The following WAC variants were observed in gnomAD, a reference collection of about 807,000 sequenced individuals.
WAC encodes WW domain-containing adapter protein with coiled-coil.
WAC carries 11 observed loss-of-function variants against 79.6 expected under a neutral mutation model. That is an observed-to-expected ratio of 0.14 (90% CI 0.09 to 0.23). The LOEUF (loss-of-function observed/expected upper bound fraction) is 0.23, where lower values mean the gene tolerates loss of function less well. Ranked by LOEUF, WAC falls within the 10% of genes least tolerant of loss-of-function variation. The pLI is 1.00. For missense variants in WAC, 728 were observed against 773.5 expected (o/e 0.94, Z 0.70); for synonymous variants, 304 against 276.9 (o/e 1.10, Z -0.97).
rs143514112 is a variant in WAC at position 28,551,415 on chromosome 10, C to G, written c.274+15658C>G. On this transcript the variant is annotated intron_variant, in intron 3 of 13. Transcript: ENST00000354911. ...GTGCATTTTGACAGTAAAACTATGACTTTTACAAGTAAACCGATTGAAAGC... is the reference window on the plus strand; with the variant it reads ...GTGCATTTTGACAGTAAAACTATGAGTTTTACAAGTAAACCGATTGAAAGC... 9.8e-5 allele frequency among the ~76,000 whole-genome samples: 15 copies of G among 152,288 alleles called. No homozygotes were observed. The East Asian group carries it at 2.7e-3, about 27-fold the overall frequency.
intron 3 of WAC, among the ~76,000 whole-genome samples, chr10:28,581,938 CTA>C (rs1189001506): frequency 6.6e-6 from 1 of 152,120 alleles, no homozygotes; most frequent in Admixed American, 6.5e-5. Context: ...GGTATTCTAT[CTA>C]TATAAGTAGA....
chr10:28,559,135 G>GGTGTGTGTGT (rs750941388), intron 3 of WAC, among the ~76,000 whole-genome samples: 38 of 64,804 alleles, frequency 5.9e-4, no homozygotes, highest in African/African-American at 1.4e-3. Context: ...CGAGAAACCT[G>GGTGTGTGTGT]ATGTGTGTGT....
chr10:28,594,875 G>C (rs1840273430), intron 6 of WAC, among the ~76,000 whole-genome samples: 1 of 152,174 alleles, frequency 6.6e-6, no homozygotes, highest in Non-Finnish European at 1.5e-5. Context: ...ACTTCAACAT[G>C]ATAGTTGAAA....
chr10:28,533,674 G>T lies in WAC; in HGVS notation c.41+54G>T, dbSNP rs529386309. 125 of 1,505,132 alleles carry T rather than the reference G, an allele frequency of 8.3e-5. 1 individual carries two copies. The African/African-American group carries it at 1.2e-3, about 14-fold the overall frequency. 93.2% of individuals were successfully genotyped at this position (1,505,132 alleles called of 1,614,324 possible). Reference sequence around the variant, plus strand: ...CGGCGGCGGGGGGCGGCGGCGGGGGGGCTGTTCCTCCTTATCTGGAGCTGG... The same window carrying T: ...CGGCGGCGGGGGGCGGCGGCGGGGGTGCTGTTCCTCCTTATCTGGAGCTGG... On this transcript the variant is annotated intron_variant, in intron 1 of 13. Transcript: ENST00000354911.
intron 3 of WAC, among the ~76,000 whole-genome samples, chr10:28,580,609 A>G (rs1232274720): frequency 6.6e-6 from 1 of 152,068 alleles, no homozygotes; most frequent in Non-Finnish European, 1.5e-5. Flanking sequence ...GTTTTTTTCC[A>G]TTACTGTCGA....
At chr10:28,580,626 T>TTTCATGG (rs1445968282) in intron 3 of WAC, among the ~76,000 whole-genome samples, 42 of 152,186 alleles carry the variant, frequency 2.8e-4, no homozygotes, top group African/African-American at 8.7e-4. Flanking sequence ...TCGACAAACT[T>TTTCATGG]AAGGAAATTT....
intron 3 of WAC, among the ~76,000 whole-genome samples, chr10:28,566,754 A>G (rs1208688944): frequency 2.0e-5 from 3 of 152,180 alleles, no homozygotes; most frequent in East Asian, 1.9e-4. Context: ...TGTAAGTGAT[A>G]TGCTTCTGCT....
At position 28,549,662 on chromosome 10, in the gene WAC, C is replaced by G. The variant is rs552466614; in HGVS notation, c.274+13905C>G. On this transcript the variant is annotated intron_variant, in intron 3 of 13. Transcript: ENST00000354911. The stretch of plus-strand genomic sequence containing the variant: ...ATACTCTTTTCATTAACCCTGAAAG[C>G]CTGAATTTTATAGGTCTTAATTATG... 5.3e-5 allele frequency among the ~76,000 whole-genome samples: 8 copies of G among 152,218 alleles called. No homozygotes were observed. In the South Asian group the frequency reaches 1.0e-3, roughly 20 times the overall value.
chr10:28,563,850 T>A (rs1838446322), intron 3 of WAC, among the ~76,000 whole-genome samples: 1 of 150,246 alleles, frequency 6.7e-6, no homozygotes, highest in Admixed American at 6.7e-5. Context: ...TCCGCTGCCT[T>A]GGTCTCCCAA....
chr10:28,614,597 G>A lies in WAC; in HGVS notation c.1468G>A (p.Val490Met). 2 of 1,614,176 alleles carry A rather than the reference G, an allele frequency of 1.2e-6. No individual in the cohort carries two copies. The highest frequency in any genetic ancestry group is 1.7e-6 in the Non-Finnish European group (2 of 1,180,036). Residue 490 changes from valine to methionine, a missense_variant, in exon 11 of 14, where the codon GTG becomes ATG. Around this residue, in one of 3 missense-constraint regions of WAC, gnomAD observed 648 missense variants for 661.5 expected, o/e 0.98. Transcript: ENST00000354911. ...VSTPVVKQGP[V>M]SQSATQQPVT... is the part of the protein sequence containing the mutation. ...TACTCCAGTAGTTAAGCAAGGACCA[G>A]TGTCACAGTCAGCCACACAGCAGCC...
chr10:28,573,946 A>G (rs1839110445), intron 3 of WAC, among the ~76,000 whole-genome samples: 1 of 151,938 alleles, frequency 6.6e-6, no homozygotes, highest in South Asian at 2.1e-4. Context: ...TTTTGAATAA[A>G]TGGGCTCATA....
intron 5 of WAC, among the ~76,000 whole-genome samples, chr10:28,590,066 A>G (rs760087040): frequency 2.6e-4 from 39 of 152,134 alleles, no homozygotes; most frequent in Non-Finnish European, 4.3e-4. Flanking sequence ...CATGCCTGTA[A>G]TCCCAGAACT....
chr10:28,541,422 T>G (rs1255079286), intron 3 of WAC, among the ~76,000 whole-genome samples: 2 of 134,694 alleles, frequency 1.5e-5, no homozygotes, highest in African/African-American at 2.7e-5. Context: ...TGTGTTTTGT[T>G]TTTTTTTTTT....
intron 3 of WAC, among the ~76,000 whole-genome samples, chr10:28,565,203 A>ATACG (rs1441938190): frequency 6.6e-6 from 1 of 152,188 alleles, no homozygotes; most frequent in Non-Finnish European, 1.5e-5. Flanking sequence ...TTGTTTAACC[A>ATACG]TACGCCATTG....
rs1394719212 is a variant in WAC, at chr10:28,621,504, T to C, written c.*1898T>C. The stretch of plus-strand genomic sequence containing the variant: ...AAAAGGAATTAAAATCTTGAAGATA[T>C]TTTCCTGTAATTTAAGGATACTTTT... On this transcript the variant is annotated 3_prime_UTR_variant, in exon 14 of 14. Coordinates refer to ENST00000354911, the MANE Select transcript of WAC (RefSeq NM_016628.5). 3 of 152,178 alleles carry C rather than the reference T, an allele frequency of 2.0e-5. No individual in the cohort carries two copies. Among genetic ancestry groups the C allele is most frequent in the Non-Finnish European group, 2.9e-5 (2 of 68,026 alleles). 9.4% of individuals were successfully genotyped at this position (152,178 alleles called of 1,614,324 possible). A position where few individuals can be genotyped will look rare whatever the true frequency, so the allele number is the denominator to read the frequency against.
At chr10:28,572,250 T>C (rs904272574) in intron 3 of WAC, among the ~76,000 whole-genome samples, 1 of 151,172 alleles carries the variant, frequency 6.6e-6, no homozygotes, top group African/African-American at 2.4e-5. Flanking sequence ...GGCAGGAGAA[T>C]TGCTTGAACC....
Position 28,533,160 on chromosome 10 carries a change from AGCG to A in WAC, c.-403_-401del, listed in dbSNP as rs961721042. ...TTGGTGGAGCGGCAGCGGCGGCACC[AGCG>A]GCGGCGGCGGCGGCGGGAGGAGGAG... On this transcript the variant is annotated 5_prime_UTR_variant, in exon 1 of 14. Coordinates refer to ENST00000354911, the MANE Select transcript of WAC (RefSeq NM_016628.5). Among the ~76,000 whole-genome samples the A allele has an allele frequency of 5.8e-4, 87 of 149,514 alleles. No individual in the cohort carries two copies. The highest frequency in any genetic ancestry group is 2.0e-3 in the African/African-American group (82 of 41,112).
At chr10:28,603,247 T>C (rs973611295) in intron 7 of WAC, among the ~76,000 whole-genome samples, 3 of 152,168 alleles carry the variant, frequency 2.0e-5, no homozygotes, top group Non-Finnish European at 4.4e-5. Flanking sequence ...TTTAAAAAAA[T>C]TGCATGTTTT....
rs1418010956 is a variant in WAC at position 28,535,764 on chromosome 10, A to G, written c.274+7A>G. Reference sequence around the variant, plus strand: ...GTTAGAGAGAGGGATGGTGGTGAGTATCTTTCTTGTTGAAACTTTGACATA... The same window carrying G: ...GTTAGAGAGAGGGATGGTGGTGAGTGTCTTTCTTGTTGAAACTTTGACATA... On this transcript the variant is annotated splice_region_variant and intron_variant, in intron 3 of 13. Transcript: ENST00000354911. 5 of 1,593,302 alleles carry G rather than the reference A, an allele frequency of 3.1e-6. No individual in the cohort carries two copies. The highest frequency in any genetic ancestry group is 4.3e-6 in the Non-Finnish European group (5 of 1,168,090).
Sources: gnomAD v4.1 joint callset for allele counts (sites outside exome capture counted in the v4.1 genomes callset) on GRCh38, gnomAD v4.1.1 for gene constraint, gnomAD v4.1.1 regional missense constraint, MANE v1.5 for transcripts, NCBI Gene and HGNC (gene_info 2026-07-23, HGNC 2026-07-21) for gene names.